TFDP1: variants seen among roughly 807,000 people sequenced by gnomAD.
TFDP1 encodes the protein DRTF1-polypeptide 1.
Under a neutral mutation model 48.0 loss-of-function variants are expected in TFDP1, and 6 were observed. That is an observed-to-expected ratio of 0.13 (90% CI 0.07 to 0.25). The LOEUF (loss-of-function observed/expected upper bound fraction) is 0.25, where lower values mean the gene tolerates loss of function less well. TFDP1 is among the 10% of genes least tolerant of loss of function. The pLI is 1.00. For synonymous variants in TFDP1, 201 were observed against 211.6 expected, an observed-to-expected ratio of 0.95 and a Z score of 0.44; for missense variants, 335 against 543.0, an observed-to-expected ratio of 0.62 and a Z score of 3.81.
At chr13:113,601,558 A>G (rs1000659601) in intron 2 of TFDP1, among the ~76,000 whole-genome samples, 3 of 152,174 alleles carry the variant, frequency 2.0e-5, no homozygotes, top group Non-Finnish European at 4.4e-5. Flanking sequence ...CTGCAGGGCC[A>G]GGGCACTGGA....
chr13:113,585,224 C>T (rs1425953386), intron 1 of TFDP1: 3 of 149,306 alleles, frequency 2.0e-5, no homozygotes, highest in East Asian at 2.0e-4. Context: ...GGAGGCCGCC[C>T]CACGGCGGCC....
intron 4 of TFDP1, among the ~76,000 whole-genome samples, chr13:113,631,105 C>G (rs2049324330): frequency 8.5e-5 from 13 of 152,242 alleles, no homozygotes; most frequent in Admixed American, 8.5e-4. Context: ...TGCTGTCACC[C>G]TGCCTGTGCT....
chr13:113,612,371 G>GTCC (rs1327701300), intron 3 of TFDP1, among the ~76,000 whole-genome samples: 1 of 152,228 alleles, frequency 6.6e-6, no homozygotes, highest in East Asian at 1.9e-4. Context: ...GACTGGCCCT[G>GTCC]CTCTTCTGCT....
intron 11 of TFDP1, 59 bp from the exon 12 acceptor site, chr13:113,640,061 C>A: frequency 2.3e-6 from 3 of 1,284,110 alleles, no homozygotes; most frequent in Non-Finnish European, 2.2e-6. Context: ...AGCCCTGAGG[C>A]GGGGGGAGGC....
At chr13:113,591,213 G>A (rs1377109318) in intron 2 of TFDP1, among the ~76,000 whole-genome samples, 1 of 150,212 alleles carries the variant, frequency 6.7e-6, no homozygotes, top group Non-Finnish European at 1.5e-5. Context: ...GTGGTGGCGG[G>A]CGCCTGTAAT....
intron 2 of TFDP1, among the ~76,000 whole-genome samples, chr13:113,599,783 G>T (rs1022404092): frequency 6.6e-6 from 1 of 152,088 alleles, no homozygotes; most frequent in African/African-American, 2.4e-5. Context: ...TGCACTTAGG[G>T]CTCCAGGACT....
At chr13:113,636,483 A>G (rs1359296129) in intron 9 of TFDP1, 51 bp from the exon 10 acceptor site, 1 of 1,594,684 alleles carries the variant, frequency 6.3e-7, no homozygotes, top group South Asian at 1.1e-5. Context: ...CCCAGTGTGT[A>G]CCGTCTCCGC....
intron 3 of TFDP1, among the ~76,000 whole-genome samples, chr13:113,621,056 A>G (rs1438028773): frequency 2.6e-5 from 4 of 152,244 alleles, no homozygotes; most frequent in South Asian, 2.1e-4. Flanking sequence ...TTAAAAATGC[A>G]TGGGTTGTAA....
chr13:113,600,807 C>T (rs994190053), intron 2 of TFDP1, among the ~76,000 whole-genome samples: 1 of 144,122 alleles, frequency 6.9e-6, no homozygotes, highest in Admixed American at 6.8e-5. Context: ...GCACGTAGGG[C>T]TACAGGACCG....
At chr13:113,603,268 C>T (rs528607573) in intron 2 of TFDP1, among the ~76,000 whole-genome samples, 7 of 152,326 alleles carry the variant, frequency 4.6e-5, no homozygotes, top group Middle Eastern at 3.4e-3. Flanking sequence ...TTCATGCCCT[C>T]GCACCCTCCT....
At chr13:113,635,294 G>C (rs906952855) in intron 8 of TFDP1, among the ~76,000 whole-genome samples, 1 of 152,228 alleles carries the variant, frequency 6.6e-6, no homozygotes, top group African/African-American at 2.4e-5. Context: ...CGGTGTGGCA[G>C]CCGTGGTGAT....
chr13:113,604,632 T>C (rs1265838149), intron 2 of TFDP1, among the ~76,000 whole-genome samples: 3 of 72,462 alleles, frequency 4.1e-5, no homozygotes, highest in Non-Finnish European at 7.9e-5. Flanking sequence ...ACACGAGCAC[T>C]GAGCGGACAG....
At chr13:113,597,156 G>A (rs2048307703) in intron 2 of TFDP1, among the ~76,000 whole-genome samples, 1 of 152,160 alleles carries the variant, frequency 6.6e-6, no homozygotes, top group African/African-American at 2.4e-5. Flanking sequence ...CTCTGTCCTT[G>A]GATGACTTGA....
intron 9 of TFDP1, 62 bp downstream of exon 9, chr13:113,636,190 G>A: frequency 3.2e-6 from 5 of 1,576,000 alleles, no homozygotes; most frequent in Non-Finnish European, 4.3e-6. Context: ...AGCCGACCCT[G>A]TTGGTATTGT....
intron 3 of TFDP1, among the ~76,000 whole-genome samples, chr13:113,611,937 C>T (rs573034710): frequency 6.6e-6 from 1 of 152,316 alleles, no homozygotes; most frequent in South Asian, 2.1e-4. Flanking sequence ...TCGCATCAGC[C>T]CAGGGAGGAG....
rs1260107583 is a variant in TFDP1 at position 113,634,031 on chromosome 13, G to C, written c.616G>C (p.Glu206Gln). The change falls in exon 7 of 12, where the codon GAG becomes CAG. Residue 206 changes from glutamate (E) to glutamine (Q), a missense_variant and splice_region_variant. Glu to Gln is a conservative substitution (Grantham distance 29). Transcript: ENST00000375370. ...TNSAQECQNLEVERQRRLERI... is the reference protein window; with the variant it reads ...TNSAQECQNLQVERQRRLERI... ...CTCGGCTCAGGAATGTCAGAACTTA[G>C]AGGTGCCCCTTCAGCCTTCCTTCAA... 1 of 1,614,182 alleles carries C rather than the reference G, an allele frequency of 6.2e-7. No homozygotes were observed. Among genetic ancestry groups the C allele is most frequent in the Non-Finnish European group, 8.5e-7 (1 of 1,180,034 alleles).
In TFDP1 at chr13:113,623,362, G is replaced by A; in HGVS notation, c.186+76G>A. The A allele has an allele frequency of 2.2e-6, 3 of 1,380,072 alleles. No homozygotes were observed. Among genetic ancestry groups the A allele is most frequent in the Non-Finnish European group, 3.0e-6 (3 of 1,004,168 alleles). 85.5% of individuals were successfully genotyped at this position (1,380,072 alleles called of 1,614,324 possible). A position where few individuals can be genotyped will look rare whatever the true frequency, so the allele number is the denominator to read the frequency against. The stretch of plus-strand genomic sequence containing the variant: ...TCGGATGAGCCGTGTGGTTGGGGAT[G>A]TTCCCAGGTGTGCCTGGATTTGGGC... On this transcript the variant is annotated intron_variant, in intron 4 of 11. Coordinates refer to ENST00000375370, the MANE Select transcript of TFDP1 (RefSeq NM_007111.5). The surrounding 1 kb of genome is among the most constrained non-coding windows in gnomAD (Gnocchi z 5.2).
At chr13:113,609,739 C>G (rs1006082519) in intron 2 of TFDP1, among the ~76,000 whole-genome samples, 1 of 152,144 alleles carries the variant, frequency 6.6e-6, no homozygotes, top group African/African-American at 2.4e-5. Flanking sequence ...ATGGTGTTAT[C>G]TACGGAAGGG....
In TFDP1 at chr13:113,623,368, A is replaced by C. The variant is rs1251781147; in HGVS notation, c.186+82A>C. 1.5e-6 allele frequency: 2 copies of C among 1,357,398 alleles called. No individual in the cohort carries two copies. The highest frequency in any genetic ancestry group is 2.5e-5 in the East Asian group (1 of 39,652). The allele number at this position is 1,357,398 out of a possible 1,614,324, so 84.1% of individuals were successfully genotyped here. ...GAGCCGTGTGGTTGGGGATGTTCCC[A>C]GGTGTGCCTGGATTTGGGCTCCAGT... On this transcript the variant is annotated intron_variant, in intron 4 of 11. Transcript: ENST00000375370. This position sits in a 1 kb window ranked among gnomAD's most constrained non-coding sequence, Gnocchi z 5.2.
Sources: allele counts gnomAD v4.1 joint callset (sites outside exome capture counted in the v4.1 genomes callset), GRCh38; gene constraint gnomAD v4.1.1; non-coding constraint Gnocchi (gnomAD v3.1); transcripts MANE v1.5; gene names NCBI Gene and HGNC (gene_info 2026-07-23, HGNC 2026-07-21).